The following ARL13B variants were observed in gnomAD, a reference collection of about 807,000 sequenced individuals.
ARL13B encodes the protein ARF like GTPase 13B.
A neutral mutation model predicts 56.1 loss-of-function variants in ARL13B; 36 were observed. That is an observed-to-expected ratio of 0.64 (90% CI 0.49 to 0.85). ARL13B has a LOEUF of 0.85. ARL13B is among the 40% of genes least tolerant of loss of function. The pLI is 0.00. For synonymous variants in ARL13B, 178 were observed against 171.1 expected, an observed-to-expected ratio of 1.04 and a Z score of -0.32; for missense variants, 519 against 507.1, an observed-to-expected ratio of 1.02 and a Z score of -0.23.
In ARL13B at chr3:94,036,637, C is replaced by A; in HGVS notation, c.572C>A (p.Ala191Glu). Reference protein sequence around the residue: ...KGLYWLLHVIARDFDALNERI... With the variant: ...KGLYWLLHVIERDFDALNERI... Reference sequence around the variant, plus strand: ...CTTTATTGGCTGCTACATGTTATTGCAAGAGACTTTGATGCCTTAAATGAA... The same window carrying A: ...CTTTATTGGCTGCTACATGTTATTGAAAGAGACTTTGATGCCTTAAATGAA... The change falls in exon 5 of 10, where the codon GCA becomes GAA. Residue 191 changes from alanine (A) to glutamate (E), a missense_variant. Transcript: ENST00000394222. 1 of 1,613,900 alleles carries A rather than the reference C, an allele frequency of 6.2e-7. No individual in the cohort carries two copies. The highest frequency in any genetic ancestry group is 8.5e-7 in the Non-Finnish European group (1 of 1,179,982).
At chr3:93,992,896 C>G (rs866776084) in intron 1 of ARL13B, among the ~76,000 whole-genome samples, 1 of 151,798 alleles carries the variant, frequency 6.6e-6, no homozygotes, top group Non-Finnish European at 1.5e-5. Flanking sequence ...CAGGTTCAAT[C>G]GATTCTCGCA....
chr3:93,984,423 TAA>T (rs1467081884), intron 1 of ARL13B, among the ~76,000 whole-genome samples: 1 of 151,954 alleles, frequency 6.6e-6, no homozygotes, highest in African/African-American at 2.4e-5. Context: ...TGGATCATCA[TAA>T]AAGTCTCCAT....
chr3:94,052,232 A>G (rs1223913418), intron 9 of ARL13B, among the ~76,000 whole-genome samples: 1 of 152,278 alleles, frequency 6.6e-6, no homozygotes, highest in South Asian at 2.1e-4. Context: ...TGTTGAACTC[A>G]TTTAACATAC....
intron 3 of ARL13B, 80 bp from the exon 4 acceptor site, chr3:94,035,251 A>T: frequency 9.2e-7 from 1 of 1,086,840 alleles, no homozygotes. Context: ...AAAAAAAAAA[A>T]AAAGAATGTG....
chr3:94,036,831 T>A, intron 5 of ARL13B, 77 bp downstream of exon 5: 1 of 1,466,508 alleles, frequency 6.8e-7, no homozygotes, highest in Non-Finnish European at 9.3e-7. Context: ...GTTGTTAGTT[T>A]TATCTGTTCA....
chr3:93,992,938 C>T (rs1205279007), intron 1 of ARL13B, among the ~76,000 whole-genome samples: 2 of 150,922 alleles, frequency 1.3e-5, no homozygotes, highest in African/African-American at 2.4e-5. Context: ...GGACTACAGG[C>T]GTGCGCTGCC....
chr3:94,038,187 A>C (rs2076802304), intron 5 of ARL13B, among the ~76,000 whole-genome samples: 3 of 152,212 alleles, frequency 2.0e-5, no homozygotes, highest in African/African-American at 7.2e-5. Context: ...TGACTATCCT[A>C]TGAGAAAGTT....
At chr3:94,002,057 C>G (rs1175714070) in intron 2 of ARL13B, among the ~76,000 whole-genome samples, 1 of 152,154 alleles carries the variant, frequency 6.6e-6, no homozygotes, top group Admixed American at 6.5e-5. Flanking sequence ...TGGTGTGTTG[C>G]AAGTCTGTTT....
At chr3:94,028,129 C>A (rs527478807) in intron 3 of ARL13B, among the ~76,000 whole-genome samples, 24 of 152,102 alleles carry the variant, frequency 1.6e-4, no homozygotes, top group African/African-American at 5.1e-4. Context: ...AAAATTTTTT[C>A]TTTCCTCTAA....
chr3:93,998,761 T>C (rs1453789536), intron 2 of ARL13B, among the ~76,000 whole-genome samples: 1 of 152,182 alleles, frequency 6.6e-6, no homozygotes, highest in Admixed American at 6.5e-5. Context: ...TAATTACATT[T>C]TGTTTGTGTA....
intron 1 of ARL13B, chr3:93,988,757 C>G: frequency 2.3e-6 from 1 of 435,698 alleles, no homozygotes; most frequent in Non-Finnish European, 4.6e-6. Context: ...GCCTGTTTTC[C>G]CTATGCTCCC....
Position 94,054,755 on chromosome 3 carries a change from A to G in ARL13B, c.*1492A>G, listed in dbSNP as rs1173088909. 2 of 420,340 alleles carry G rather than the reference A, an allele frequency of 4.8e-6. No homozygotes were observed. The highest frequency in any genetic ancestry group is 1.7e-5 in the South Asian group (1 of 57,394). The allele number at this position is 420,340 out of a possible 1,614,324, so 26.0% of individuals were successfully genotyped here. On this transcript the variant is annotated 3_prime_UTR_variant, in exon 10 of 10. Transcript: ENST00000394222. ...CTGTATATATTCTTGGAGTTTGTACATGGGACTTAGCAACCACACTGAGTG... is the reference window on the plus strand; with the variant it reads ...CTGTATATATTCTTGGAGTTTGTACGTGGGACTTAGCAACCACACTGAGTG...
At chr3:94,029,338 A>ATATT (rs2076626952) in intron 3 of ARL13B, among the ~76,000 whole-genome samples, 72 of 59,000 alleles carry the variant, frequency 1.2e-3, no homozygotes, top group African/African-American at 3.4e-3. Context: ...ATATATATTT[A>ATATT]TTTTTTTTTT....
chr3:94,050,562 G>A (rs2077051721), intron 8 of ARL13B, among the ~76,000 whole-genome samples: 2 of 152,190 alleles, frequency 1.3e-5, no homozygotes, highest in African/African-American at 4.8e-5. Flanking sequence ...GATAGCATGA[G>A]TTTGTTTTTG....
rs1297388459 is a variant in ARL13B at position 94,053,232 on chromosome 3, C to T, written c.1256C>T (p.Pro419Leu). Residue 419 changes from proline to leucine, a missense_variant, in exon 10 of 10, where the codon CCT becomes CTT. Physicochemically the swap from Pro to Leu is moderately conservative, Grantham distance 98. Transcript: ENST00000394222. ...CCTCCCCTGGCTGTGCCACAGCGAC[C>T]TAACAGTGATGCTCATGATGTGATC... is the stretch of plus-strand genomic sequence containing the variant. ...PLPPLAVPQRPNSDAHDVIS is the reference protein window; with the variant it reads ...PLPPLAVPQRLNSDAHDVIS 6.2e-7 allele frequency: 1 copy of T among 1,613,374 alleles called. No individual in the cohort carries two copies. The highest frequency in any genetic ancestry group is 1.1e-5 in the South Asian group (1 of 91,066).
chr3:93,999,737 A>G (rs1206600180), intron 2 of ARL13B, among the ~76,000 whole-genome samples: 8 of 152,208 alleles, frequency 5.3e-5, no homozygotes, highest in Non-Finnish European at 1.5e-5. Context: ...ACTTCTTTAA[A>G]TCAAACTTCT....
intron 7 of ARL13B, among the ~76,000 whole-genome samples, chr3:94,045,153 C>T (rs1487620251): frequency 2.0e-5 from 3 of 152,060 alleles, no homozygotes; most frequent in African/African-American, 4.8e-5. Context: ...TACCCCCAAC[C>T]CTGTGCTCTC....
At chr3:94,031,867 A>G (rs766790538) in intron 3 of ARL13B, among the ~76,000 whole-genome samples, 3 of 152,182 alleles carry the variant, frequency 2.0e-5, no homozygotes, top group Non-Finnish European at 2.9e-5. Flanking sequence ...GGAAAATTCA[A>G]TTGCCATATG....
intron 1 of ARL13B, among the ~76,000 whole-genome samples, chr3:93,989,597 G>A (rs1227894367): frequency 6.6e-6 from 1 of 151,790 alleles, no homozygotes; most frequent in Non-Finnish European, 1.5e-5. Flanking sequence ...TGTCAACCCA[G>A]GCTAGACTGC....
Sources: gnomAD v4.1 joint callset for allele counts (sites outside exome capture counted in the v4.1 genomes callset) on GRCh38, gnomAD v4.1.1 for gene constraint, MANE v1.5 for transcripts, NCBI Gene and HGNC (gene_info 2026-07-23, HGNC 2026-07-21) for gene names.